Variants in HSD11B1L observed in about 807,000 individuals in gnomAD.
HSD11B1L encodes the protein hydroxysteroid 11-beta dehydrogenase 1 like, also known as hydroxysteroid 11-beta-dehydrogenase 1-like protein.
HSD11B1L carries 22 observed loss-of-function variants against 27.0 expected under a neutral mutation model. That is an observed-to-expected ratio of 0.81 (90% CI 0.58 to 1.16). The LOEUF is 1.16. HSD11B1L is among the 50% of genes most tolerant of loss of function. The pLI is 0.00. For synonymous variants in HSD11B1L, 187 were observed against 189.2 expected (o/e 0.99, Z 0.09); for missense variants, 372 against 401.8 (o/e 0.93, Z 0.63).
chr19:5,684,717 A>T, intron 1 of HSD11B1L, 102 bp from the exon 2 acceptor site: 2 of 1,567,220 alleles, frequency 1.3e-6, no homozygotes. Flanking sequence ...GGTGGATAGG[A>T]AGGCGTGGAT....
chr19:5,687,066 G>T lies in HSD11B1L; in HGVS notation c.408+75G>T, dbSNP rs2145558368. 7.4e-7 allele frequency: 1 copy of T among 1,356,820 alleles called. No individual in the cohort carries two copies. Among genetic ancestry groups the T allele is most frequent in the Non-Finnish European group, 1.0e-6 (1 of 988,888 alleles). The allele number at this position is 1,356,820 out of a possible 1,614,324, so 84.0% of individuals were successfully genotyped here. ...GTGGTCCGTTCCCTTCGCGGTCCGG[G>T]TTCTGCCTTCTCCAGGGAGGGCTCT... On this transcript the variant is annotated intron_variant, in intron 5 of 7. Transcript: ENST00000339423. This position sits in a 1 kb window ranked among gnomAD's most constrained non-coding sequence, Gnocchi z 6.6.
chr19:5,687,784 C>T lies in HSD11B1L; in HGVS notation c.700C>T (p.Pro234Ser). The T allele has an allele frequency of 6.7e-7, 1 of 1,490,426 alleles. No individual in the cohort carries two copies. The highest frequency in any genetic ancestry group is 1.9e-4 in the Middle Eastern group (1 of 5,242). The allele number at this position is 1,490,426 out of a possible 1,614,324, so 92.3% of individuals were successfully genotyped here. The change falls in exon 8 of 8, where the codon CCC becomes TCC. Residue 234 changes from proline to serine, a missense_variant. Physicochemically the swap from Pro to Ser is moderately conservative, Grantham distance 74. Transcript: ENST00000339423. The surrounding 1 kb of genome is among the most constrained non-coding windows in gnomAD (Gnocchi z 6.6). ...CACGAGGGTCAAGGCGGCCCCGGGG[C>T]CCAAGGCAGCCCTGGCCGTGATCCG... is the stretch of plus-strand genomic sequence containing the variant. The part of the protein sequence containing the change: ...GVTRVKAAPG[P>S]KAALAVIRGG...
In HSD11B1L at chr19:5,688,216, T is replaced by A; in HGVS notation, c.*271T>A. ...ATTGATGACGTGACTGCTTCCATTT[T>A]GCAGATGAGGAAACTAAGGCTCAGA... is the stretch of plus-strand genomic sequence containing the variant. On this transcript the variant is annotated 3_prime_UTR_variant, in exon 8 of 8. Coordinates refer to ENST00000339423, the MANE Select transcript of HSD11B1L (RefSeq NM_198706.3). 1 of 1,538,802 alleles carries A rather than the reference T, an allele frequency of 6.5e-7. No homozygotes were observed. The highest frequency in any genetic ancestry group is 8.8e-7 in the Non-Finnish European group (1 of 1,141,844).
chr19:5,687,385 C>G lies in HSD11B1L; in HGVS notation c.502+10C>G, dbSNP rs2054727756. 1 of 1,610,404 alleles carries G rather than the reference C, an allele frequency of 6.2e-7. No homozygotes were observed. The highest frequency in any genetic ancestry group is 1.3e-5 in the African/African-American group (1 of 74,902). On this transcript the variant is annotated intron_variant, in intron 6 of 7. Transcript: ENST00000339423. The surrounding 1 kb of genome is among the most constrained non-coding windows in gnomAD (Gnocchi z 6.6). Reference sequence around the variant, plus strand: ...GTGTCCTCGCTGCTCGGTGCGTGCACCCGGCCCCGGCTCTGCGGGACGGGG... The same window carrying G: ...GTGTCCTCGCTGCTCGGTGCGTGCAGCCGGCCCCGGCTCTGCGGGACGGGG...
intron 1 of HSD11B1L, chr19:5,684,139 CT>C (rs1203975767): frequency 2.4e-6 from 1 of 411,842 alleles, no homozygotes; most frequent in Non-Finnish European, 4.3e-6. Context: ...CCTCAGCCCC[CT>C]GAGTAGCTGG....
Position 5,687,309 on chromosome 19 carries a change from A to G in HSD11B1L, c.436A>G (p.Thr146Ala). ...QVNFVSYVQL[T>A]SRALPSLTDS... Reference sequence around the variant, plus strand: ...AAACTTTGTGAGCTACGTGCAACTGACGTCGCGGGCGCTGCCCAGCCTGAC... The same window carrying G: ...AAACTTTGTGAGCTACGTGCAACTGGCGTCGCGGGCGCTGCCCAGCCTGAC... Residue 146 changes from threonine (T) to alanine (A), a missense_variant, in exon 6 of 8, where the codon ACG (threonine) becomes GCG (alanine). Transcript: ENST00000339423. The surrounding 1 kb of genome is among the most constrained non-coding windows in gnomAD (Gnocchi z 6.6). 1.9e-6 allele frequency: 3 copies of G among 1,612,704 alleles called. No homozygotes were observed. The highest frequency in any genetic ancestry group is 2.5e-6 in the Non-Finnish European group (3 of 1,179,760).
rs1320448715 is a variant in HSD11B1L, at chr19:5,686,375, C to T, written c.205-41C>T. The T allele has an allele frequency of 3.0e-5, 41 of 1,365,262 alleles. 1 individual carries two copies. In the East Asian group the frequency reaches 1.0e-3, roughly 34 times the overall value. The allele number at this position is 1,365,262 out of a possible 1,614,324, so 84.6% of individuals were successfully genotyped here. On this transcript the variant is annotated intron_variant, in intron 3 of 7. Coordinates refer to ENST00000339423, the MANE Select transcript of HSD11B1L (RefSeq NM_198706.3). Reference sequence around the variant, plus strand: ...AGGTGCGGTGGAGGGGGAAGCGCTGCTGTAGAGGAGAGGCCCACGGGCAGC... The same window carrying T: ...AGGTGCGGTGGAGGGGGAAGCGCTGTTGTAGAGGAGAGGCCCACGGGCAGC...
chr19:5,682,810 CTTTT>C (rs5826895), intron 1 of HSD11B1L, among the ~76,000 whole-genome samples: 1 of 95,396 alleles, frequency 1.0e-5, no homozygotes, highest in Non-Finnish European at 2.1e-5. Context: ...GTCCCATTGA[CTTTT>C]TTTTTTTTTT....
rs1368190571 is a variant in HSD11B1L, at chr19:5,685,315, C to T, written c.204+196C>T. The T allele has an allele frequency of 2.2e-5, 17 of 764,264 alleles. No homozygotes were observed. Among genetic ancestry groups the T allele is most frequent in the Admixed American group, 8.0e-5 (4 of 49,704 alleles). 47.3% of individuals were successfully genotyped at this position (764,264 alleles called of 1,614,324 possible). A position where few individuals can be genotyped will look rare whatever the true frequency, so the allele number is the denominator to read the frequency against. ...CTTTCTGGCCAGGCACGGTGGCTCACGCTTGTAGTCAGCACTTTGGGAGGC... is the reference window on the plus strand; with the variant it reads ...CTTTCTGGCCAGGCACGGTGGCTCATGCTTGTAGTCAGCACTTTGGGAGGC... On this transcript the variant is annotated intron_variant, in intron 3 of 7. Coordinates refer to ENST00000339423, the MANE Select transcript of HSD11B1L (RefSeq NM_198706.3). The surrounding 1 kb of genome is among the most constrained non-coding windows in gnomAD (Gnocchi z 4.3).
rs1219030084 is a variant in HSD11B1L at position 5,685,376 on chromosome 19, G to A, written c.204+257G>A. ...GGATCACCTGAGGTCAGGAGTTCAA[G>A]ACCAGCCTGGCCAACATGGCGAAAC... On this transcript the variant is annotated intron_variant, in intron 3 of 7. Coordinates refer to ENST00000339423, the MANE Select transcript of HSD11B1L (RefSeq NM_198706.3). This position sits in a 1 kb window ranked among gnomAD's most constrained non-coding sequence, Gnocchi z 4.3. 3 of 611,208 alleles carry A rather than the reference G, an allele frequency of 4.9e-6. No homozygotes were observed. The highest frequency in any genetic ancestry group is 1.8e-5 in the African/African-American group (1 of 55,012). 37.9% of individuals were successfully genotyped at this position (611,208 alleles called of 1,614,324 possible).
chr19:5,684,698 G>A, intron 1 of HSD11B1L, 121 bp from the exon 2 acceptor site: 4 of 1,510,800 alleles, frequency 2.6e-6, no homozygotes, highest in South Asian at 2.5e-5. Context: ...GACAGGTGGT[G>A]GCTGTGGAGG....
Position 5,688,294 on chromosome 19 carries a change from C to T in HSD11B1L, c.*349C>T, listed in dbSNP as rs769777076. On this transcript the variant is annotated 3_prime_UTR_variant, in exon 8 of 8. Transcript: ENST00000339423. Reference sequence around the variant, plus strand: ...TGGACCCCTCTCCATCTCCTGCCTGCGCCTTTAAGTCCCTGATTTATTCTT... The same window carrying T: ...TGGACCCCTCTCCATCTCCTGCCTGTGCCTTTAAGTCCCTGATTTATTCTT... The T allele has an allele frequency of 3.3e-5, 33 of 989,336 alleles. No individual in the cohort carries two copies. The highest frequency in any genetic ancestry group is 4.1e-5 in the Non-Finnish European group (28 of 684,296). 61.3% of individuals were successfully genotyped at this position (989,336 alleles called of 1,614,324 possible). A position where few individuals can be genotyped will look rare whatever the true frequency, so the allele number is the denominator to read the frequency against.
chr19:5,686,669 G>T, intron 4 of HSD11B1L, 142 bp downstream of exon 4: 1 of 727,166 alleles, frequency 1.4e-6, no homozygotes, highest in East Asian at 2.7e-5. Flanking sequence ...TGGGCGGGGT[G>T]GAGTCTCATT....
At position 5,687,183 on chromosome 19, in the gene HSD11B1L, C is replaced by A; in HGVS notation, c.409-99C>A. The A allele has an allele frequency of 7.3e-7, 1 of 1,366,296 alleles. No individual in the cohort carries two copies. Among genetic ancestry groups the A allele is most frequent in the Non-Finnish European group, 1.0e-6 (1 of 993,390 alleles). 84.6% of individuals were successfully genotyped at this position (1,366,296 alleles called of 1,614,324 possible). A position where few individuals can be genotyped will look rare whatever the true frequency, so the allele number is the denominator to read the frequency against. On this transcript the variant is annotated intron_variant, in intron 5 of 7. Transcript: ENST00000339423. This position sits in a 1 kb window ranked among gnomAD's most constrained non-coding sequence, Gnocchi z 6.6. Reference sequence around the variant, plus strand: ...CGGACCCGCCTTCCGGGTTTCTGGCCCCGTCTCTGACCCGGCCCTGGCCCC... The same window carrying A: ...CGGACCCGCCTTCCGGGTTTCTGGCACCGTCTCTGACCCGGCCCTGGCCCC...
Position 5,685,955 on chromosome 19 carries a change from A to G in HSD11B1L, c.205-461A>G, listed in dbSNP as rs2054678828. Among the ~76,000 whole-genome samples, 1 of 152,132 alleles carries G rather than the reference A, an allele frequency of 6.6e-6. No individual in the cohort carries two copies. The highest frequency in any genetic ancestry group is 6.5e-5 in the Admixed American group (1 of 15,272). ...TCTCATGGGTTAGGATGTTGTGCCA[A>G]TGCAGTGAGACGGTGACTAGAAGAT... On this transcript the variant is annotated intron_variant, in intron 3 of 7. Coordinates refer to ENST00000339423, the MANE Select transcript of HSD11B1L (RefSeq NM_198706.3). This position sits in a 1 kb window ranked among gnomAD's most constrained non-coding sequence, Gnocchi z 4.3.
rs1372510344 is a variant in HSD11B1L, at chr19:5,688,021, A to C, written c.*76A>C. ...CTGTCCCTGGAGCCAGAACACTCAC[A>C]GAGACACCCCTGAGAGGGTGGCCAC... On this transcript the variant is annotated 3_prime_UTR_variant, in exon 8 of 8. Coordinates refer to ENST00000339423, the MANE Select transcript of HSD11B1L (RefSeq NM_198706.3). 2 of 1,551,544 alleles carry C rather than the reference A, an allele frequency of 1.3e-6. No individual in the cohort carries two copies. The highest frequency in any genetic ancestry group is 3.9e-5 in the Admixed American group (2 of 51,012).
Position 5,687,038 on chromosome 19 carries a change from C to T in HSD11B1L, c.408+47C>T, listed in dbSNP as rs950394570. 4.8e-6 allele frequency: 7 copies of T among 1,466,526 alleles called. No homozygotes were observed. Among genetic ancestry groups the T allele is most frequent in the Non-Finnish European group, 6.5e-6 (7 of 1,081,774 alleles). The allele number at this position is 1,466,526 out of a possible 1,614,324, so 90.8% of individuals were successfully genotyped here. A position where few individuals can be genotyped will look rare whatever the true frequency, so the allele number is the denominator to read the frequency against. ...CCGGCCCGCCCCTCTATCTCAGGGACCGGTGGTCCGTTCCCTTCGCGGTCC... is the reference window on the plus strand; with the variant it reads ...CCGGCCCGCCCCTCTATCTCAGGGATCGGTGGTCCGTTCCCTTCGCGGTCC... On this transcript the variant is annotated intron_variant, in intron 5 of 7. Transcript: ENST00000339423. This position sits in a 1 kb window ranked among gnomAD's most constrained non-coding sequence, Gnocchi z 6.6.
intron 3 of HSD11B1L, 134 bp from the exon 4 acceptor site, chr19:5,686,282 G>T: frequency 3.2e-6 from 2 of 623,216 alleles, no homozygotes; most frequent in Admixed American, 3.4e-5. Context: ...TTTTGGGAAT[G>T]ATGTTGAATG....
Position 5,688,238 on chromosome 19 carries a change from C to T in HSD11B1L, c.*293C>T, listed in dbSNP as rs1475443019. ...TTTTGCAGATGAGGAAACTAAGGCT[C>T]AGAGAGGCCACGCCACCCTTGAGCC... On this transcript the variant is annotated 3_prime_UTR_variant, in exon 8 of 8. Coordinates refer to ENST00000339423, the MANE Select transcript of HSD11B1L (RefSeq NM_198706.3). The T allele has an allele frequency of 2.0e-6, 3 of 1,504,838 alleles. No homozygotes were observed. The highest frequency in any genetic ancestry group is 2.1e-5 in the Admixed American group (1 of 48,442). The allele number at this position is 1,504,838 out of a possible 1,614,324, so 93.2% of individuals were successfully genotyped here.
Sources: gnomAD v4.1 joint callset for allele counts (sites outside exome capture counted in the v4.1 genomes callset) on GRCh38, gnomAD v4.1.1 for gene constraint, Gnocchi (gnomAD v3.1) non-coding constraint, MANE v1.5 for transcripts, NCBI Gene and HGNC (gene_info 2026-07-23, HGNC 2026-07-21) for gene names.